The following SLC25A26 variants were observed in gnomAD, a reference collection of about 807,000 sequenced individuals.
SLC25A26 encodes the protein solute carrier family 25 member 26.
In SLC25A26, 36 loss-of-function variants were observed where a neutral mutation model predicts 37.8. The observed-to-expected ratio is 0.95, with a 90% confidence interval of 0.73 to 1.26. The LOEUF (loss-of-function observed/expected upper bound fraction) is 1.26, where lower values mean the gene tolerates loss of function less well. Among genes scored for constraint, SLC25A26 ranks in the 50% most tolerant of loss-of-function variants. SLC25A26 has a pLI of 0.00. For missense variants in SLC25A26, 390 were observed against 331.1 expected (o/e 1.18, Z -1.38); for synonymous variants, 129 against 122.5 (o/e 1.05, Z -0.35).
rs530372830 is a variant in SLC25A26 at position 66,249,155 on chromosome 3, T to C, written c.300+5843T>C. Among the ~76,000 whole-genome samples the C allele has an allele frequency of 2.0e-5, 3 of 152,278 alleles. No individual in the cohort carries two copies. The South Asian group carries it at 6.2e-4, about 32-fold the overall frequency. ...TAAAAAGGCTAGTTTAATAAACTGG[T>C]TATTTTTGAGTGTGACAATGAACTC... On this transcript the variant is annotated intron_variant, in intron 3 of 9. Coordinates refer to ENST00000354883, the MANE Select transcript of SLC25A26 (RefSeq NM_001379210.1).
chr3:66,285,246 A>C (rs1358636464), intron 5 of SLC25A26, among the ~76,000 whole-genome samples: 2 of 152,126 alleles, frequency 1.3e-5, no homozygotes, highest in Non-Finnish European at 2.9e-5. Context: ...AAAGATTGCT[A>C]TCCACTTGTT....
intron 1 of SLC25A26, among the ~76,000 whole-genome samples, chr3:66,183,069 A>G (rs2070747543): frequency 6.6e-6 from 1 of 152,122 alleles, no homozygotes; most frequent in Admixed American, 6.5e-5. Context: ...TGGTTATTCT[A>G]TACAACAAAT....
At chr3:66,140,156 C>T (rs966843973) in intron 1 of SLC25A26, among the ~76,000 whole-genome samples, 2 of 152,154 alleles carry the variant, frequency 1.3e-5, no homozygotes, top group Admixed American at 6.5e-5. Context: ...TGTTCAGATG[C>T]TCCATGCCTA....
At chr3:66,319,426 T>G (rs2075631426) in intron 5 of SLC25A26, among the ~76,000 whole-genome samples, 1 of 152,168 alleles carries the variant, frequency 6.6e-6, no homozygotes, top group Admixed American at 6.5e-5. Context: ...TTAAAAAACT[T>G]CGCGCGCTTT....
At chr3:66,352,746 A>C (rs1057387887) in intron 6 of SLC25A26, among the ~76,000 whole-genome samples, 1 of 151,746 alleles carries the variant, frequency 6.6e-6, no homozygotes, top group Non-Finnish European at 1.5e-5. Flanking sequence ...TGGAGCATTC[A>C]TTCCAGCTCT....
chr3:66,327,543 G>A (rs536124200), intron 5 of SLC25A26, among the ~76,000 whole-genome samples: 5 of 152,080 alleles, frequency 3.3e-5, no homozygotes, highest in African/African-American at 1.2e-4. Flanking sequence ...TAATTCATTT[G>A]TTATATTTAG....
At chr3:66,291,357 T>C (rs887219651) in intron 5 of SLC25A26, among the ~76,000 whole-genome samples, 2 of 152,156 alleles carry the variant, frequency 1.3e-5, no homozygotes, top group African/African-American at 2.4e-5. Flanking sequence ...AGCGTTTGAA[T>C]TTGTTTGCTC....
intron 1 of SLC25A26, among the ~76,000 whole-genome samples, chr3:66,168,107 C>T (rs1485800203): frequency 8.3e-6 from 1 of 120,590 alleles, no homozygotes; most frequent in Non-Finnish European, 1.8e-5. Context: ...GAGCTAAGAT[C>T]GTGCCATCGC....
upstream of SLC25A26, among the ~76,000 whole-genome samples, chr3:66,218,009 C>T (rs1195355652): frequency 6.6e-6 from 1 of 152,196 alleles, no homozygotes; most frequent in Non-Finnish European, 1.5e-5. Context: ...CAATACTTTG[C>T]CTCTACCTCC....
chr3:66,364,131 A>T (rs2076774262), intron 7 of SLC25A26, among the ~76,000 whole-genome samples: 1 of 152,164 alleles, frequency 6.6e-6, no homozygotes, highest in Non-Finnish European at 1.5e-5. Context: ...ATACTATAAA[A>T]CTTCCATGTG....
chr3:66,141,207 G>A (rs998878393), intron 1 of SLC25A26, among the ~76,000 whole-genome samples: 8 of 151,022 alleles, frequency 5.3e-5, no homozygotes, highest in South Asian at 2.1e-4. Flanking sequence ...AAGGGCACAC[G>A]AGATCTCTCT....
intron 1 of SLC25A26, among the ~76,000 whole-genome samples, chr3:66,150,581 TC>T (rs2070187836): frequency 2.7e-5 from 3 of 112,550 alleles, no homozygotes; most frequent in Non-Finnish European, 5.4e-5. Flanking sequence ...AATATATATA[TC>T]ATGATATATA....
chr3:66,147,144 C>T (rs2070130420), intron 1 of SLC25A26, among the ~76,000 whole-genome samples: 1 of 103,278 alleles, frequency 9.7e-6, no homozygotes, highest in Non-Finnish European at 1.9e-5. Flanking sequence ...CTGCCCTCCC[C>T]GTCCCTCTTT....
intron 5 of SLC25A26, among the ~76,000 whole-genome samples, chr3:66,272,231 G>A (rs1443770639): frequency 5.3e-5 from 8 of 152,090 alleles, no homozygotes; most frequent in African/African-American, 1.7e-4. Flanking sequence ...GTAAGTTTGT[G>A]GTTGGCCCAG....
chr3:66,190,312 C>CA (rs1221431441), intron 1 of SLC25A26, among the ~76,000 whole-genome samples: 31,596 of 132,082 alleles, frequency 0.24, 3,843 homozygotes, highest in South Asian at 0.35. Context: ...GAAACCCTGT[C>CA]AAAAAAAAAA....
At chr3:66,278,419 A>G (rs150839873) in intron 5 of SLC25A26, among the ~76,000 whole-genome samples, 119 of 152,076 alleles carry the variant, frequency 7.8e-4, no homozygotes, top group African/African-American at 2.7e-3. Flanking sequence ...TTCTGGTTCC[A>G]CTCTCTAGAG....
upstream of SLC25A26, among the ~76,000 whole-genome samples, chr3:66,218,522 T>C (rs2071394881): frequency 6.6e-6 from 1 of 152,206 alleles, no homozygotes; most frequent in Non-Finnish European, 1.5e-5. Context: ...TTCCCTGATG[T>C]GGTAACCAGT....
chr3:66,269,012 G>T (rs372262730), intron 5 of SLC25A26, among the ~76,000 whole-genome samples: 1 of 152,222 alleles, frequency 6.6e-6, no homozygotes, highest in East Asian at 1.9e-4. Flanking sequence ...CTTTATAGCA[G>T]TGTGAGAATG....
At chr3:66,145,004 C>T (rs945097128) in intron 1 of SLC25A26, among the ~76,000 whole-genome samples, 7 of 152,022 alleles carry the variant, frequency 4.6e-5, no homozygotes, top group Middle Eastern at 3.4e-3. Flanking sequence ...TTCAGAGCCA[C>T]GAGGGAGTGG....
Sources: gnomAD v4.1 joint callset for allele counts (sites outside exome capture counted in the v4.1 genomes callset) on GRCh38, gnomAD v4.1.1 for gene constraint, MANE v1.5 for transcripts, NCBI Gene and HGNC (gene_info 2026-07-23, HGNC 2026-07-21) for gene names.